The following RIT2 variants were observed in gnomAD, a reference collection of about 807,000 sequenced individuals.
The protein encoded by RIT2 is Ras like without CAAX 2, also known as GTP-binding protein Rit2.
In RIT2, 24 loss-of-function variants were observed where a neutral mutation model predicts 23.7. The ratio of observed to expected loss-of-function variants is 1.01; its 90% CI spans 0.73 to 1.43. The LOEUF is 1.43. Ranked by LOEUF, RIT2 falls within the 40% of genes most tolerant of loss-of-function variation. The pLI, the probability that RIT2 is intolerant of heterozygous loss-of-function variation, is 0.00. For missense variants in RIT2, 236 were observed against 266.9 expected, an observed-to-expected ratio of 0.88 and a Z score of 0.81; for synonymous variants, 107 against 91.1, an observed-to-expected ratio of 1.17 and a Z score of -0.99.
At chr18:42,846,970 AT>A (rs1256081531) in intron 4 of RIT2, among the ~76,000 whole-genome samples, 1 of 152,148 alleles carries the variant, frequency 6.6e-6, no homozygotes, top group African/African-American at 2.4e-5. Flanking sequence ...TCACTCTGGT[AT>A]AACCTATTGA....
chr18:42,773,942 C>T (rs1036977479), intron 4 of RIT2, among the ~76,000 whole-genome samples: 3 of 152,062 alleles, frequency 2.0e-5, no homozygotes, highest in Non-Finnish European at 2.9e-5. Context: ...CTTTCATTTA[C>T]TTGGTTTTCC....
chr18:43,015,104 A>G (rs1348405426), intron 2 of RIT2, among the ~76,000 whole-genome samples: 2 of 151,770 alleles, frequency 1.3e-5, no homozygotes, highest in Non-Finnish European at 2.9e-5. Flanking sequence ...TATGAGAAGT[A>G]CTTATGAAAT....
chr18:42,796,413 G>A (rs759705978), intron 4 of RIT2, among the ~76,000 whole-genome samples: 16 of 152,168 alleles, frequency 1.1e-4, no homozygotes, highest in Non-Finnish European at 1.5e-4. Context: ...AACACTCACC[G>A]CGAGGGTCCG....
At chr18:42,941,546 T>C (rs1909599827) in intron 3 of RIT2, among the ~76,000 whole-genome samples, 1 of 152,116 alleles carries the variant, frequency 6.6e-6, no homozygotes, top group Non-Finnish European at 1.5e-5. Flanking sequence ...AAATCCAGAA[T>C]AATGCATGTA....
chr18:42,890,756 G>T (rs1429929910), intron 4 of RIT2, among the ~76,000 whole-genome samples: 1 of 151,762 alleles, frequency 6.6e-6, no homozygotes, highest in Non-Finnish European at 1.5e-5. Flanking sequence ...CAGCTATGTT[G>T]CCAAGTCTAA....
chr18:43,038,883 G>T (rs745479936), intron 1 of RIT2, among the ~76,000 whole-genome samples: 1 of 151,758 alleles, frequency 6.6e-6, no homozygotes, highest in South Asian at 2.1e-4. Flanking sequence ...CTTCTCTCAG[G>T]TTAGTAAACT....
At chr18:43,078,076 G>A (rs1026025066) in intron 1 of RIT2, among the ~76,000 whole-genome samples, 4 of 152,140 alleles carry the variant, frequency 2.6e-5, no homozygotes, top group African/African-American at 9.7e-5. Flanking sequence ...CCTGTGACCT[G>A]GCCCAATTTC....
chr18:43,052,553 A>G (rs1045498922), intron 1 of RIT2, among the ~76,000 whole-genome samples: 2 of 152,074 alleles, frequency 1.3e-5, no homozygotes, highest in Non-Finnish European at 2.9e-5. Flanking sequence ...AACTCAGAAA[A>G]TCTTCCTAAT....
intron 4 of RIT2, among the ~76,000 whole-genome samples, chr18:42,807,524 G>A (rs1216611342): frequency 1.3e-5 from 2 of 152,108 alleles, no homozygotes; most frequent in Non-Finnish European, 2.9e-5. Flanking sequence ...GGCGAAGGGA[G>A]GAGAATTGCT....
At chr18:42,866,227 C>G (rs1335696712) in intron 4 of RIT2, among the ~76,000 whole-genome samples, 1 of 152,166 alleles carries the variant, frequency 6.6e-6, no homozygotes, top group Non-Finnish European at 1.5e-5. Context: ...ATACCTTAAA[C>G]TAATGCACAT....
chr18:43,087,201 C>T (rs926778149), intron 1 of RIT2, among the ~76,000 whole-genome samples: 2 of 151,822 alleles, frequency 1.3e-5, no homozygotes, highest in African/African-American at 4.8e-5. Flanking sequence ...GAGATCACAC[C>T]ACTGCAGTCT....
chr18:42,885,775 T>A (rs1908006576), intron 4 of RIT2, among the ~76,000 whole-genome samples: 1 of 152,152 alleles, frequency 6.6e-6, no homozygotes, highest in Non-Finnish European at 1.5e-5. Context: ...TGCAAGACAT[T>A]TTTGAAAGGT....
chr18:43,052,561 A>C (rs116220410), intron 1 of RIT2, among the ~76,000 whole-genome samples: 131 of 152,170 alleles, frequency 8.6e-4, no homozygotes, highest in African/African-American at 3.1e-3. Flanking sequence ...AAATCTTCCT[A>C]ATCTGTTAGC....
chr18:43,040,345 A>C (rs1912098953), intron 1 of RIT2, among the ~76,000 whole-genome samples: 1 of 152,200 alleles, frequency 6.6e-6, no homozygotes, highest in Non-Finnish European at 1.5e-5. Context: ...CTTATAAAGA[A>C]TTTATTAGTG....
At chr18:42,771,466 G>T (rs2143915571) in intron 4 of RIT2, among the ~76,000 whole-genome samples, 1 of 152,254 alleles carries the variant, frequency 6.6e-6, no homozygotes, top group East Asian at 1.9e-4. Context: ...TCATAATCAT[G>T]AATTCAAATC....
At chr18:43,093,542 TC>T (rs1397093597) in intron 1 of RIT2, among the ~76,000 whole-genome samples, 1 of 152,014 alleles carries the variant, frequency 6.6e-6, no homozygotes, top group Non-Finnish European at 1.5e-5. Flanking sequence ...GAGATTTGCT[TC>T]CCCAAAACAG....
intron 4 of RIT2, among the ~76,000 whole-genome samples, chr18:42,873,601 C>T (rs1598693736): frequency 6.6e-6 from 1 of 151,956 alleles, no homozygotes; most frequent in East Asian, 1.9e-4. Context: ...TTCTTCTCCT[C>T]ACTGTTCCTT....
At chr18:43,106,244 A>G (rs776908379) in intron 1 of RIT2, among the ~76,000 whole-genome samples, 20 of 152,240 alleles carry the variant, frequency 1.3e-4, no homozygotes, top group Admixed American at 6.5e-4. Context: ...TTTGGACAAA[A>G]CAAGAAACAT....
chr18:42,876,600 A>T (rs539735383), intron 4 of RIT2, among the ~76,000 whole-genome samples: 1 of 151,974 alleles, frequency 6.6e-6, no homozygotes, highest in African/African-American at 2.4e-5. Context: ...CTGAAATTGT[A>T]AAGTTAGTAA....
Sources: allele counts gnomAD v4.1 joint callset (sites outside exome capture counted in the v4.1 genomes callset), GRCh38; gene constraint gnomAD v4.1.1; transcripts MANE v1.5; gene names NCBI Gene and HGNC (gene_info 2026-07-23, HGNC 2026-07-21).